The following FAXC variants were observed in gnomAD, a reference collection of about 807,000 sequenced individuals.
FAXC encodes failed axon connections homolog, metaxin like GST domain containing, also known as failed axon connections homolog.
Under a neutral mutation model 41.9 loss-of-function variants are expected in FAXC, and 10 were observed. The ratio of observed to expected loss-of-function variants is 0.24; its 90% confidence interval spans 0.15 to 0.41. The LOEUF (loss-of-function observed/expected upper bound fraction) is 0.41. Ranked by LOEUF, FAXC falls within the 10% of genes least tolerant of loss-of-function variation. The pLI is 1.00. For synonymous variants in FAXC, 183 were observed against 183.8 expected, an observed-to-expected ratio of 1.00 and a Z score of 0.03; for missense variants, 399 against 510.9, an observed-to-expected ratio of 0.78 and a Z score of 2.11.
intron 3 of FAXC, among the ~76,000 whole-genome samples, chr6:99,330,873 C>T (rs1200141490): frequency 6.6e-6 from 1 of 152,080 alleles, no homozygotes; most frequent in Non-Finnish European, 1.5e-5. Flanking sequence ...GGCCTTGGAA[C>T]CAGAAGAGCA....
chr6:99,303,271 T>G (rs1034659380), intron 4 of FAXC, among the ~76,000 whole-genome samples: 2 of 152,232 alleles, frequency 1.3e-5, no homozygotes, highest in Non-Finnish European at 2.9e-5. Context: ...TGATGAACTC[T>G]ACTTGAACAC....
At chr6:99,311,399 A>AC (rs1243442548) in intron 4 of FAXC, among the ~76,000 whole-genome samples, 1 of 152,148 alleles carries the variant, frequency 6.6e-6, no homozygotes, top group South Asian at 2.1e-4. Context: ...AGATGGTAAA[A>AC]CCCCATCTCT....
intron 5 of FAXC, among the ~76,000 whole-genome samples, chr6:99,290,027 C>T (rs1771172670): frequency 6.6e-6 from 1 of 150,924 alleles, no homozygotes; most frequent in African/African-American, 2.4e-5. Context: ...TTTTTCACAA[C>T]CTCAAAGTTG....
intron 4 of FAXC, among the ~76,000 whole-genome samples, chr6:99,304,232 G>A (rs1771824904): frequency 6.6e-6 from 1 of 152,016 alleles, no homozygotes; most frequent in Admixed American, 6.5e-5. Flanking sequence ...GTTGCAGTGA[G>A]ACGAGATTGC....
intron 4 of FAXC, among the ~76,000 whole-genome samples, chr6:99,295,143 C>G (rs754643249): frequency 3.3e-5 from 5 of 152,114 alleles, no homozygotes; most frequent in Non-Finnish European, 5.9e-5. Flanking sequence ...CAGGTGTTTT[C>G]AAAGGTGCCT....
At position 99,333,428 on chromosome 6, in the gene FAXC, A is replaced by G; in HGVS notation, c.522T>C (p.Asn174=). 1 of 1,614,140 alleles carries G rather than the reference A, an allele frequency of 6.2e-7. No individual in the cohort carries two copies. Among genetic ancestry groups the G allele is most frequent in the Non-Finnish European group, 8.5e-7 (1 of 1,180,016 alleles). The part of the protein sequence containing the change: ...IDFLEEKLGV[N]LNKNLGPHER... The stretch of plus-strand genomic sequence containing the variant: ...CATGAGGGCCAAGGTTTTTGTTTAA[A>G]TTCACTCCAAGCTTCTCTTCCAGAA... The change falls in exon 3 of 6, where the codon AAT becomes AAC. Residue 174 remains asparagine, a synonymous_variant. Coordinates refer to ENST00000389677, the MANE Select transcript of FAXC (RefSeq NM_032511.4).
rs1267126124 is a variant in FAXC, at chr6:99,281,467, A to C, written c.941-14T>G. On this transcript the variant is annotated splice_polypyrimidine_tract_variant and intron_variant, in intron 5 of 5. Transcript: ENST00000389677. ...TGATCAGCTCACCTGCAGTGTGGTAAGGAAAGCAAGGATTAGTTCTCAAAG... is the reference window on the plus strand; with the variant it reads ...TGATCAGCTCACCTGCAGTGTGGTACGGAAAGCAAGGATTAGTTCTCAAAG... The C allele has an allele frequency of 2.5e-6, 4 of 1,589,402 alleles. No homozygotes were observed. Among genetic ancestry groups the C allele is most frequent in the Non-Finnish European group, 3.4e-6 (4 of 1,160,416 alleles).
chr6:99,343,062 C>A (rs745540747), intron 1 of FAXC, 29 bp from the exon 2 acceptor site: 1 of 1,583,778 alleles, frequency 6.3e-7, no homozygotes, highest in Middle Eastern at 1.7e-4. Flanking sequence ...AAATAAAGTA[C>A]AATCCACATG....
intron 5 of FAXC, among the ~76,000 whole-genome samples, chr6:99,291,252 A>C (rs1295046381): frequency 1.3e-5 from 2 of 152,226 alleles, no homozygotes; most frequent in Non-Finnish European, 2.9e-5. Flanking sequence ...AGAGCATCTG[A>C]AACAGCCAGT....
Position 99,277,696 on chromosome 6 carries a change from T to G in FAXC, c.*3468A>C, listed in dbSNP as rs1400952364. On this transcript the variant is annotated 3_prime_UTR_variant, in exon 6 of 6. Transcript: ENST00000389677. ...CTGGTTGTCTGAACACAGGGTGACT[T>G]CTCAGGTAACATGCATTTTATAAGA... is the stretch of plus-strand genomic sequence containing the variant. 1 of 152,066 alleles carries G rather than the reference T, an allele frequency of 6.6e-6. No homozygotes were observed. 9.4% of individuals were successfully genotyped at this position (152,066 alleles called of 1,614,324 possible). A position where few individuals can be genotyped will look rare whatever the true frequency, so the allele number is the denominator to read the frequency against.
intron 4 of FAXC, among the ~76,000 whole-genome samples, chr6:99,298,008 C>T (rs1400139464): frequency 1.3e-5 from 2 of 152,164 alleles, no homozygotes; most frequent in Admixed American, 6.5e-5. Flanking sequence ...AATCAGAATA[C>T]TTGGGAATGG....
intron 4 of FAXC, among the ~76,000 whole-genome samples, chr6:99,297,653 G>T (rs1771549181): frequency 6.6e-6 from 1 of 152,196 alleles, no homozygotes; most frequent in Non-Finnish European, 1.5e-5. Context: ...ATGTATGAGA[G>T]CTGACAGTGT....
In FAXC at chr6:99,323,363, A is replaced by C. The variant is rs1248363751; in HGVS notation, c.823+81T>G. On this transcript the variant is annotated intron_variant, in intron 4 of 5. Coordinates refer to ENST00000389677, the MANE Select transcript of FAXC (RefSeq NM_032511.4). ...AGAAATCAACCAAAATTAAAACATA[A>C]ATTAGTGAACCAACAGTGTTTTACT... 7 of 1,241,754 alleles carry C rather than the reference A, an allele frequency of 5.6e-6. No homozygotes were observed. The African/African-American group carries it at 7.6e-5, about 13-fold the overall frequency. The allele number at this position is 1,241,754 out of a possible 1,614,324, so 76.9% of individuals were successfully genotyped here. A position where few individuals can be genotyped will look rare whatever the true frequency, so the allele number is the denominator to read the frequency against.
intron 5 of FAXC, among the ~76,000 whole-genome samples, chr6:99,285,952 C>T (rs568955002): frequency 6.6e-6 from 1 of 152,324 alleles, no homozygotes; most frequent in South Asian, 2.1e-4. Context: ...GTAAGGTTCT[C>T]CCAGCTGCCA....
In FAXC at chr6:99,275,018, T is replaced by A. The variant is rs1770549673; in HGVS notation, c.*6146A>T. The A allele has an allele frequency of 6.6e-6, 1 of 152,150 alleles. No individual in the cohort carries two copies. The highest frequency in any genetic ancestry group is 1.9e-4 in the East Asian group (1 of 5,196). 9.4% of individuals were successfully genotyped at this position (152,150 alleles called of 1,614,324 possible). A position where few individuals can be genotyped will look rare whatever the true frequency, so the allele number is the denominator to read the frequency against. The stretch of plus-strand genomic sequence containing the variant: ...AGCCACCATTAACTAACATGGCAAT[T>A]CAGAAGTTGGATCTTATTTTTTTAG... On this transcript the variant is annotated 3_prime_UTR_variant, in exon 6 of 6. Transcript: ENST00000389677.
intron 5 of FAXC, among the ~76,000 whole-genome samples, chr6:99,288,579 A>G (rs1196211342): frequency 6.6e-6 from 1 of 152,212 alleles, no homozygotes; most frequent in Non-Finnish European, 1.5e-5. Flanking sequence ...AACCTCACCA[A>G]TGTGATAACA....
At chr6:99,290,045 A>G (rs1771173375) in intron 5 of FAXC, among the ~76,000 whole-genome samples, 3 of 151,806 alleles carry the variant, frequency 2.0e-5, no homozygotes, top group South Asian at 4.2e-4. Flanking sequence ...TTGAACAATC[A>G]TAAGTCAAAC....
intron 4 of FAXC, among the ~76,000 whole-genome samples, chr6:99,305,018 C>T (rs12198729): frequency 1.3e-5 from 2 of 152,082 alleles, no homozygotes; most frequent in East Asian, 1.9e-4. Context: ...TGTAAAGGCA[C>T]GAAGTTGCAG....
chr6:99,340,865 C>A (rs989333346), intron 2 of FAXC, among the ~76,000 whole-genome samples: 1 of 151,850 alleles, frequency 6.6e-6, no homozygotes, highest in Admixed American at 6.6e-5. Context: ...GATGGGGTTT[C>A]GCCATGTTGG....
Sources: gnomAD v4.1 joint callset for allele counts (sites outside exome capture counted in the v4.1 genomes callset) on GRCh38, gnomAD v4.1.1 for gene constraint, MANE v1.5 for transcripts, NCBI Gene and HGNC (gene_info 2026-07-23, HGNC 2026-07-21) for gene names.